The following TMEM132C variants were observed in gnomAD, a reference collection of about 807,000 sequenced individuals.
TMEM132C encodes the protein transmembrane protein 132C, also known as protein phosphatase 1, regulatory subunit 152.
TMEM132C carries 29 observed loss-of-function variants against 61.4 expected under a neutral mutation model. The observed-to-expected ratio is 0.47, with a 90% CI of 0.35 to 0.64. The LOEUF is 0.64. Among genes scored for constraint, TMEM132C ranks in the 30% least tolerant of loss-of-function variants. The pLI, the probability that TMEM132C is intolerant of heterozygous loss-of-function variation, is 0.00. For synonymous variants in TMEM132C, 656 were observed against 633.1 expected, an observed-to-expected ratio of 1.04 and a Z score of -0.54; for missense variants, 1,408 against 1,476.9, an observed-to-expected ratio of 0.95 and a Z score of 0.76.
chr12:128,294,662 C>T, intron 1 of TMEM132C, among the ~76,000 whole-genome samples: 1 of 143,130 alleles, frequency 7.0e-6, no homozygotes, highest in Non-Finnish European at 1.6e-5. Flanking sequence ...CTGGTGAGAG[C>T]CGGCTTCCTG....
chr12:128,689,577 C>T (rs896472332), intron 5 of TMEM132C, among the ~76,000 whole-genome samples: 1 of 152,102 alleles, frequency 6.6e-6, no homozygotes, highest in African/African-American at 2.4e-5. Context: ...TGCACAAAAA[C>T]CATACTAGGA....
chr12:128,417,513 C>T (rs1868822773), intron 2 of TMEM132C, among the ~76,000 whole-genome samples: 1 of 152,130 alleles, frequency 6.6e-6, no homozygotes, highest in South Asian at 2.1e-4. Context: ...AAAGGTCTTC[C>T]AACCAGCTGA....
In TMEM132C at chr12:128,505,997, C is replaced by G. The variant is rs192477548; in HGVS notation, c.975-37960C>G. On this transcript the variant is annotated intron_variant, in intron 2 of 8. Transcript: ENST00000435159. ...CTGCTGCATGTAACTGAAAACCAGA[C>G]CATGGCGGCATAAATATGGAGCATT... is the stretch of plus-strand genomic sequence containing the variant. 1.3e-3 allele frequency among the ~76,000 whole-genome samples: 193 copies of G among 152,296 alleles called. 3 individuals carry two copies. Among genetic ancestry groups the G allele is most frequent in the African/African-American group, 4.2e-3 (173 of 41,550 alleles).
At chr12:128,655,562 T>C (rs71464407) in intron 4 of TMEM132C, among the ~76,000 whole-genome samples, 1 of 151,708 alleles carries the variant, frequency 6.6e-6, no homozygotes, top group African/African-American at 2.4e-5. Context: ...ATGCCTTGAA[T>C]TGGGAAAATG....
intron 1 of TMEM132C, among the ~76,000 whole-genome samples, chr12:128,353,728 G>C (rs1873412040): frequency 6.6e-6 from 1 of 152,110 alleles, no homozygotes; most frequent in African/African-American, 2.4e-5. Context: ...CTGGAACCAA[G>C]GGTGGGTTGT....
Position 128,458,993 on chromosome 12 carries a change from A to T in TMEM132C, c.974+43373A>T, listed in dbSNP as rs550245416. Among the ~76,000 whole-genome samples, 3 of 152,308 alleles carry T rather than the reference A, an allele frequency of 2.0e-5. No individual in the cohort carries two copies. In the South Asian group the frequency reaches 6.2e-4, roughly 32 times the overall value. Reference sequence around the variant, plus strand: ...CTGAAGGTTCTTTTCTTATAGAAGAAATTGAGGGTAAATCATTGAGACCAC... The same window carrying T: ...CTGAAGGTTCTTTTCTTATAGAAGATATTGAGGGTAAATCATTGAGACCAC... On this transcript the variant is annotated intron_variant, in intron 2 of 8. Transcript: ENST00000435159.
chr12:128,699,656 A>G (rs1380725610), intron 8 of TMEM132C, among the ~76,000 whole-genome samples: 1 of 152,222 alleles, frequency 6.6e-6, no homozygotes, highest in Non-Finnish European at 1.5e-5. Flanking sequence ...ATGTGATTTC[A>G]CTGGACTCAC....
At chr12:128,291,202 A>G (rs149114631) in intron 1 of TMEM132C, among the ~76,000 whole-genome samples, 1 of 152,346 alleles carries the variant, frequency 6.6e-6, no homozygotes, top group Non-Finnish European at 1.5e-5. Flanking sequence ...AGTACATCCA[A>G]GAAGAAATAA....
chr12:128,564,993 T>C (rs1874648379), intron 3 of TMEM132C, among the ~76,000 whole-genome samples: 1 of 152,228 alleles, frequency 6.6e-6, no homozygotes, highest in Non-Finnish European at 1.5e-5. Context: ...AAGATAATAA[T>C]TATTATAACT....
chr12:128,396,211 C>G (rs1475484517), intron 1 of TMEM132C, among the ~76,000 whole-genome samples: 2 of 152,252 alleles, frequency 1.3e-5, no homozygotes, highest in Non-Finnish European at 1.5e-5. Context: ...TGTTCTGTAA[C>G]TTAGTTTTCA....
chr12:128,677,090 C>A (rs1425632890), intron 5 of TMEM132C, among the ~76,000 whole-genome samples: 2 of 152,204 alleles, frequency 1.3e-5, no homozygotes, highest in Non-Finnish European at 2.9e-5. Context: ...GCTTGCAATG[C>A]CCAAGTGTCC....
chr12:128,636,563 T>TG (rs1491337696), intron 4 of TMEM132C, among the ~76,000 whole-genome samples: 4,544 of 106,510 alleles, frequency 0.043, 228 homozygotes, highest in African/African-American at 0.15. Context: ...TGGGTTTTTG[T>TG]TTGTGTGTGT....
chr12:128,705,425 C>A lies in TMEM132C; in HGVS notation c.2457C>A (p.Asn819Lys), dbSNP rs541757300. Reference protein sequence around the residue: ...GGDYEEDEIKNHASDRRQKGQ... With the variant: ...GGDYEEDEIKKHASDRRQKGQ... ...ACTATGAGGAAGATGAGATCAAGAACCACGCCAGCGACCGCCGGCAGAAGG... is the reference window on the plus strand; with the variant it reads ...ACTATGAGGAAGATGAGATCAAGAAACACGCCAGCGACCGCCGGCAGAAGG... The change falls in exon 9 of 9, where the codon AAC becomes AAA. Residue 819 changes from asparagine (N) to lysine (K), a missense_variant. By Grantham distance (94) the Asn-to-Lys change is moderately conservative. Transcript: ENST00000435159. The A allele has an allele frequency of 1.3e-6, 2 of 1,550,952 alleles. No homozygotes were observed. The highest frequency in any genetic ancestry group is 2.4e-5 in the East Asian group (1 of 40,910).
At chr12:128,532,823 A>T (rs570115087) in intron 2 of TMEM132C, among the ~76,000 whole-genome samples, 2 of 152,210 alleles carry the variant, frequency 1.3e-5, no homozygotes, top group South Asian at 4.2e-4. Context: ...GCATGTCATC[A>T]ACCCATGAGG....
chr12:128,471,069 C>T (rs1870934494), intron 2 of TMEM132C, among the ~76,000 whole-genome samples: 3 of 152,158 alleles, frequency 2.0e-5, no homozygotes, highest in Admixed American at 1.3e-4. Context: ...GAGGTGCTCT[C>T]CTGTGTATTG....
At chr12:128,591,919 G>A (rs532191988) in intron 3 of TMEM132C, among the ~76,000 whole-genome samples, 1 of 152,090 alleles carries the variant, frequency 6.6e-6, no homozygotes, top group South Asian at 2.1e-4. Context: ...AGGCATGGTG[G>A]CACATGTCTG....
At chr12:128,565,079 G>T (rs1874650588) in intron 3 of TMEM132C, among the ~76,000 whole-genome samples, 1 of 152,218 alleles carries the variant, frequency 6.6e-6, no homozygotes, top group Non-Finnish European at 1.5e-5. Flanking sequence ...GGCAAAGCCT[G>T]GGGTTTATGT....
chr12:128,323,983 G>T (rs1214166919), intron 1 of TMEM132C, among the ~76,000 whole-genome samples: 1 of 152,170 alleles, frequency 6.6e-6, no homozygotes, highest in Non-Finnish European at 1.5e-5. Flanking sequence ...CTTCCCAGAA[G>T]GGTCTTTGCT....
chr12:128,573,603 A>T (rs1874979650), intron 3 of TMEM132C, among the ~76,000 whole-genome samples: 1 of 151,918 alleles, frequency 6.6e-6, no homozygotes, highest in African/African-American at 2.4e-5. Context: ...AAGTATAATA[A>T]TTTTTTAAAA....
Sources: gnomAD v4.1 joint callset for allele counts (sites outside exome capture counted in the v4.1 genomes callset) on GRCh38, gnomAD v4.1.1 for gene constraint, MANE v1.5 for transcripts, NCBI Gene and HGNC (gene_info 2026-07-23, HGNC 2026-07-21) for gene names.